FMO3: variants seen among roughly 807,000 people sequenced by gnomAD.
The protein encoded by FMO3 is flavin containing dimethylaniline monoxygenase 3.
In FMO3, 40 loss-of-function variants were observed where a neutral mutation model predicts 39.4. That is an observed-to-expected ratio of 1.02 (90% CI 0.79 to 1.32). The LOEUF is 1.32. Ranked by LOEUF, FMO3 falls within the 40% of genes most tolerant of loss-of-function variation. The pLI is 0.00. For missense variants in FMO3, 680 were observed against 651.8 expected, an observed-to-expected ratio of 1.04 and a Z score of -0.47; for synonymous variants, 219 against 228.8, an observed-to-expected ratio of 0.96 and a Z score of 0.39.
At chr1:171,111,060 G>A (rs2101917872) in intron 6 of FMO3, 63 bp downstream of exon 6, 1 of 1,321,950 alleles carries the variant, frequency 7.6e-7, no homozygotes, top group East Asian at 2.3e-5. Flanking sequence ...AACCCTTAAT[G>A]TCCTGTAAGC....
chr1:171,115,760 C>T (rs901053680), intron 7 of FMO3, among the ~76,000 whole-genome samples: 1 of 152,176 alleles, frequency 6.6e-6, no homozygotes, highest in Admixed American at 6.5e-5. Flanking sequence ...TATCCTCAGT[C>T]ATATTCAAGA....
At chr1:171,111,996 G>A (rs190348746) in intron 6 of FMO3, among the ~76,000 whole-genome samples, 1 of 152,244 alleles carries the variant, frequency 6.6e-6, no homozygotes. Context: ...TATGTCTCAG[G>A]GAGGAGACTT....
chr1:171,104,905 G>T (rs1308026593), intron 3 of FMO3, among the ~76,000 whole-genome samples: 1 of 151,798 alleles, frequency 6.6e-6, no homozygotes, highest in Admixed American at 6.6e-5. Context: ...TAGATAAAAA[G>T]CTGGCAGTGT....
rs762847643 is a variant in FMO3, at chr1:171,107,668, C to G, written c.322-7C>G. On this transcript the variant is annotated splice_region_variant and splice_polypyrimidine_tract_variant and intron_variant, in intron 3 of 8. Transcript: ENST00000367755. The stretch of plus-strand genomic sequence containing the variant: ...AAAAGAGGGATTTCTTTCTGTATTT[C>G]TCTTAGACATTTGTATCCAGTGTAA... 5.0e-6 allele frequency: 8 copies of G among 1,611,308 alleles called. No individual in the cohort carries two copies. Among genetic ancestry groups the G allele is most frequent in the Non-Finnish European group, 6.8e-6 (8 of 1,177,756 alleles).
At chr1:171,108,472 T>A (rs2101914468) in intron 5 of FMO3, among the ~76,000 whole-genome samples, 1 of 152,230 alleles carries the variant, frequency 6.6e-6, no homozygotes, top group Non-Finnish European at 1.5e-5. Flanking sequence ...ATGCCTAATA[T>A]CTCGGATCAA....
intron 5 of FMO3, among the ~76,000 whole-genome samples, chr1:171,109,955 G>T (rs1334170002): frequency 6.6e-6 from 1 of 152,100 alleles, no homozygotes; most frequent in Non-Finnish European, 1.5e-5. Flanking sequence ...CACTATTATG[G>T]ATTAGCATAA....
At position 171,114,227 on chromosome 1, in the gene FMO3, A is replaced by C. The variant is rs144661380; in HGVS notation, c.1048A>C (p.Ile350Leu). Residue 350 changes from isoleucine (I) to leucine (L), a missense_variant, in exon 7 of 9, where the codon ATC (isoleucine) becomes CTC (leucine). Coordinates refer to ENST00000367755, the MANE Select transcript of FMO3 (RefSeq NM_001002294.3). ...TATCATCAAAAGCAGAAACAATGAGATCATTTTATTTAAAGGAGTATTTCC... is the reference window on the plus strand; with the variant it reads ...TATCATCAAAAGCAGAAACAATGAGCTCATTTTATTTAAAGGAGTATTTCC... ...ESIIKSRNNE[I>L]ILFKGVFPPL... The C allele has an allele frequency of 6.2e-7, 1 of 1,613,970 alleles. No homozygotes were observed. The highest frequency in any genetic ancestry group is 1.1e-5 in the South Asian group (1 of 91,080).
chr1:171,108,266 G>A lies in FMO3; in HGVS notation c.627+45G>A, dbSNP rs762717250. ...CGGGTGACTCTCGTTACTGACAGAA[G>A]AGTTATTATCGTTTGAAAGGTGTGA... On this transcript the variant is annotated intron_variant, in intron 5 of 8. Transcript: ENST00000367755. The A allele has an allele frequency of 4.3e-6, 7 of 1,609,618 alleles. No homozygotes were observed. The East Asian group carries it at 1.6e-4, about 36-fold the overall frequency.
intron 7 of FMO3, among the ~76,000 whole-genome samples, 193 bp from the exon 8 acceptor site, chr1:171,116,015 A>G (rs989241626): frequency 1.3e-5 from 2 of 152,248 alleles, no homozygotes; most frequent in African/African-American, 4.8e-5. Flanking sequence ...GTTTAAGAGC[A>G]AAGCTATTTA....
At chr1:171,112,955 A>G (rs1655979363) in intron 6 of FMO3, among the ~76,000 whole-genome samples, 1 of 152,220 alleles carries the variant, frequency 6.6e-6, no homozygotes, top group Non-Finnish European at 1.5e-5. Context: ...ATGACCTGGA[A>G]ACAAAATGAA....
At chr1:171,107,485 A>G (rs913961480) in intron 3 of FMO3, among the ~76,000 whole-genome samples, 190 bp from the exon 4 acceptor site, 1 of 152,274 alleles carries the variant, frequency 6.6e-6, no homozygotes, top group Non-Finnish European at 1.5e-5. Context: ...GTTATGCACA[A>G]GAAATCATGC....
At chr1:171,094,170 T>C (rs756070781) in intron 2 of FMO3, among the ~76,000 whole-genome samples, 45 of 152,126 alleles carry the variant, frequency 3.0e-4, no homozygotes, top group Non-Finnish European at 5.9e-4. Context: ...TGGTGTAAGA[T>C]AGTATTTTAT....
intron 2 of FMO3, among the ~76,000 whole-genome samples, chr1:171,096,731 T>TATATATAATTAATACAATTATATTAAAA: frequency 7.9e-6 from 1 of 127,286 alleles, no homozygotes; most frequent in East Asian, 3.1e-4. Context: ...ATATTAAAAA[T>TATATATAATTAATACAATTATATTAAAA]ATATATAATT....
chr1:171,096,247 ATAT>A (rs1354153948), intron 2 of FMO3, among the ~76,000 whole-genome samples: 1 of 74,570 alleles, frequency 1.3e-5, no homozygotes, highest in African/African-American at 5.5e-5. Flanking sequence ...TATTTCATAC[ATAT>A]TATATAATTT....
rs1253988693 is a variant in FMO3, at chr1:171,096,766, A to G, written c.132+3976A>G. Among the ~76,000 whole-genome samples, 3 of 127,988 alleles carry G rather than the reference A, an allele frequency of 2.3e-5. No homozygotes were observed. The East Asian group carries it at 6.3e-4, about 27-fold the overall frequency. 84.0% of individuals were successfully genotyped at this position (127,988 alleles called of 152,430 possible). ...TAATATAATTATATTAAAAATATAT[A>G]ATTAATATAATTATATTAAAAATAT... On this transcript the variant is annotated intron_variant, in intron 2 of 8. Transcript: ENST00000367755.
At chr1:171,097,059 T>A (rs973473125) in intron 2 of FMO3, among the ~76,000 whole-genome samples, 1 of 150,070 alleles carries the variant, frequency 6.7e-6, no homozygotes, top group Admixed American at 6.8e-5. Context: ...TTTGTCCTTG[T>A]GATAGTTTGC....
intron 2 of FMO3, chr1:171,101,130 A>G (rs1407206650): frequency 2.2e-6 from 1 of 456,136 alleles, no homozygotes; most frequent in Non-Finnish European, 4.4e-6. Flanking sequence ...TGAAAAAAAT[A>G]AGAAATGCCA....
chr1:171,096,687 T>A lies in FMO3; in HGVS notation c.132+3897T>A, dbSNP rs1557934604. Among the ~76,000 whole-genome samples the A allele has an allele frequency of 1.4e-4, 18 of 132,980 alleles. No individual in the cohort carries two copies. In the South Asian group the frequency reaches 4.1e-3, roughly 30 times the overall value. The allele number at this position is 132,980 out of a possible 152,430, so 87.2% of individuals were successfully genotyped here. On this transcript the variant is annotated intron_variant, in intron 2 of 8. Transcript: ENST00000367755. Reference sequence around the variant, plus strand: ...AAATATATATTTTATATTTAAAATATAATTAATATAATTATATAAAAATTA... The same window carrying A: ...AAATATATATTTTATATTTAAAATAAAATTAATATAATTATATAAAAATTA...
chr1:171,117,633 T>C lies in FMO3; in HGVS notation c.*191T>C. On this transcript the variant is annotated 3_prime_UTR_variant, in exon 9 of 9. Transcript: ENST00000367755. ...AGCCACTTTAAGAATCATGTCATGA[T>C]CTTAAGAGAGCACTAATCATTTCTG... The C allele has an allele frequency of 1.8e-6, 1 of 543,592 alleles. No homozygotes were observed. The highest frequency in any genetic ancestry group is 2.9e-5 in the East Asian group (1 of 34,324). The allele number at this position is 543,592 out of a possible 1,614,324, so 33.7% of individuals were successfully genotyped here. A position where few individuals can be genotyped will look rare whatever the true frequency, so the allele number is the denominator to read the frequency against.
Sources: allele counts gnomAD v4.1 joint callset (sites outside exome capture counted in the v4.1 genomes callset), GRCh38; gene constraint gnomAD v4.1.1; transcripts MANE v1.5; gene names NCBI Gene and HGNC (gene_info 2026-07-23, HGNC 2026-07-21).